Variants in GRIK1 observed in about 807,000 individuals in gnomAD.
GRIK1 encodes glutamate receptor ionotropic, kainate 1.
GRIK1 carries 69 observed loss-of-function variants against 105.7 expected under a neutral mutation model. The observed-to-expected ratio is 0.65, with a 90% CI of 0.54 to 0.80. The LOEUF (loss-of-function observed/expected upper bound fraction) is 0.80, where lower values mean the gene tolerates loss of function less well. Among genes scored for constraint, GRIK1 ranks in the 30% least tolerant of loss-of-function variants. GRIK1 has a pLI of 0.00. For synonymous variants in GRIK1, 438 were observed against 431.3 expected, an observed-to-expected ratio of 1.02 and a Z score of -0.19; for missense variants, 1,109 against 1,167.3, an observed-to-expected ratio of 0.95 and a Z score of 0.73.
At chr21:29,700,680 C>T (rs1357966241) in intron 1 of GRIK1, among the ~76,000 whole-genome samples, 1 of 152,096 alleles carries the variant, frequency 6.6e-6, no homozygotes, top group Non-Finnish European at 1.5e-5. Context: ...CTATCCGAAT[C>T]AACTCAGTGT....
rs370526214 is a variant in GRIK1, at chr21:29,859,370, A to G, written c.118+80013T>C. Among the ~76,000 whole-genome samples, 20 of 151,142 alleles carry G rather than the reference A, an allele frequency of 1.3e-4. 1 individual carries two copies. The East Asian group carries it at 3.7e-3, about 28-fold the overall frequency. ...AGAACTTAAAGTATAATAAAAAAGT[A>G]TATATATATAAAATAAAATGAAATA... is the stretch of plus-strand genomic sequence containing the variant. On this transcript the variant is annotated intron_variant, in intron 1 of 17. Transcript: ENST00000327783.
intron 1 of GRIK1, among the ~76,000 whole-genome samples, chr21:29,812,053 C>A (rs1008940385): frequency 3.9e-5 from 6 of 152,152 alleles, no homozygotes; most frequent in African/African-American, 1.2e-4. Context: ...TTTATTTCTA[C>A]AGGTCAGTTA....
intron 1 of GRIK1, among the ~76,000 whole-genome samples, chr21:29,920,020 G>A (rs1217669297): frequency 6.6e-6 from 1 of 152,084 alleles, no homozygotes; most frequent in Non-Finnish European, 1.5e-5. Context: ...AGGAACAAGG[G>A]CTCTCCCTGA....
chr21:29,664,286 T>TG, intron 4 of GRIK1, among the ~76,000 whole-genome samples: 1 of 152,322 alleles, frequency 6.6e-6, no homozygotes, highest in African/African-American at 2.4e-5. Context: ...GAGTTGGAAT[T>TG]GGGAAGCCAG....
At chr21:29,895,821 C>T (rs1382920979) in intron 1 of GRIK1, among the ~76,000 whole-genome samples, 7 of 152,220 alleles carry the variant, frequency 4.6e-5, no homozygotes. Context: ...TTTACCTTCT[C>T]TTAGCCTCGG....
intron 1 of GRIK1, among the ~76,000 whole-genome samples, chr21:29,777,766 A>C (rs372143453): frequency 2.0e-5 from 3 of 152,266 alleles, no homozygotes; most frequent in African/African-American, 7.2e-5. Flanking sequence ...TGACTGTCGG[A>C]CTAGAGGCTG....
chr21:29,869,358 T>C (rs1414820201), intron 1 of GRIK1, among the ~76,000 whole-genome samples: 3 of 152,238 alleles, frequency 2.0e-5, no homozygotes, highest in Non-Finnish European at 4.4e-5. Context: ...CCATCCAATA[T>C]TTCTGATCTC....
chr21:29,636,167 G>A (rs1374792838), intron 7 of GRIK1, among the ~76,000 whole-genome samples: 11 of 152,140 alleles, frequency 7.2e-5, no homozygotes, highest in South Asian at 2.1e-4. Flanking sequence ...TCCCCCCTCC[G>A]TCATGTCACT....
intron 1 of GRIK1, among the ~76,000 whole-genome samples, chr21:29,935,023 T>G (rs1392397354): frequency 6.6e-6 from 1 of 152,148 alleles, no homozygotes; most frequent in African/African-American, 2.4e-5. Context: ...CAACATGATT[T>G]TGAAGACACA....
intron 1 of GRIK1, among the ~76,000 whole-genome samples, chr21:29,808,316 G>A (rs952920559): frequency 1.1e-4 from 17 of 152,070 alleles, no homozygotes; most frequent in Non-Finnish European, 2.1e-4. Flanking sequence ...CTCCAACACC[G>A]AATAGCTGGA....
At chr21:29,627,869 T>G (rs1192382279) in intron 7 of GRIK1, among the ~76,000 whole-genome samples, 1 of 152,180 alleles carries the variant, frequency 6.6e-6, no homozygotes, top group East Asian at 1.9e-4. Context: ...AAGGTACCCT[T>G]GGGGAATATA....
chr21:29,700,189 G>A (rs1336992589), intron 1 of GRIK1, among the ~76,000 whole-genome samples: 1 of 152,104 alleles, frequency 6.6e-6, no homozygotes, highest in African/African-American at 2.4e-5. Context: ...GAGGACGTAG[G>A]CAGTTGTGTT....
At chr21:29,822,585 T>A (rs1328653265) in intron 1 of GRIK1, among the ~76,000 whole-genome samples, 1 of 152,020 alleles carries the variant, frequency 6.6e-6, no homozygotes, top group Non-Finnish European at 1.5e-5. Flanking sequence ...GAGAAATAAG[T>A]AAATGTTACA....
chr21:29,906,423 A>G (rs73898510), intron 1 of GRIK1, among the ~76,000 whole-genome samples: 2,000 of 152,300 alleles, frequency 0.013, 49 homozygotes, highest in African/African-American at 0.046. Context: ...CTGATAAAAT[A>G]TTTTATTTCA....
chr21:29,601,778 G>T (rs977665618), intron 7 of GRIK1, among the ~76,000 whole-genome samples: 9 of 152,168 alleles, frequency 5.9e-5, no homozygotes, highest in African/African-American at 2.2e-4. Flanking sequence ...TACACTTTCA[G>T]TTTGGAAATC....
At chr21:29,569,132 C>A (rs2090679560) in intron 14 of GRIK1, among the ~76,000 whole-genome samples, 1 of 152,132 alleles carries the variant, frequency 6.6e-6, no homozygotes, top group African/African-American at 2.4e-5. Context: ...TAGCAGAAGG[C>A]AGACACTGCA....
chr21:29,580,371 T>G (rs2091001273), intron 13 of GRIK1, among the ~76,000 whole-genome samples: 1 of 152,068 alleles, frequency 6.6e-6, no homozygotes, highest in Non-Finnish European at 1.5e-5. Flanking sequence ...GTAAATCAGA[T>G]GGCATCTATA....
At chr21:29,673,223 T>C in intron 3 of GRIK1, 59 bp from the exon 4 acceptor site, 1 of 1,199,444 alleles carries the variant, frequency 8.3e-7, no homozygotes, top group African/African-American at 1.5e-5. Flanking sequence ...GTATTGTTTA[T>C]TGCCATTTAG....
chr21:29,722,352 C>G (rs145958225), intron 1 of GRIK1, among the ~76,000 whole-genome samples: 1 of 151,812 alleles, frequency 6.6e-6, no homozygotes, highest in Non-Finnish European at 1.5e-5. Context: ...GTCAGGAGAT[C>G]GAGACCATCC....
Sources: gnomAD v4.1 joint callset for allele counts (sites outside exome capture counted in the v4.1 genomes callset) on GRCh38, gnomAD v4.1.1 for gene constraint, MANE v1.5 for transcripts, NCBI Gene and HGNC (gene_info 2026-07-23, HGNC 2026-07-21) for gene names.